The following NEGR1 variants were observed in gnomAD, a reference collection of about 807,000 sequenced individuals.
NEGR1 encodes the protein neuronal growth regulator 1, also known as IgLON family member 4.
In NEGR1, 10 loss-of-function variants were observed where a neutral mutation model predicts 40.9. That is an observed-to-expected ratio of 0.24 (90% CI 0.15 to 0.42). The LOEUF is 0.42. Among genes scored for constraint, NEGR1 ranks in the 10% least tolerant of loss-of-function variants. The pLI is 1.00. For synonymous variants in NEGR1, 185 were observed against 166.8 expected (o/e 1.11, Z -0.84); for missense variants, 352 against 438.9 (o/e 0.80, Z 1.77).
At chr1:72,135,619 A>T (rs558421688) in intron 1 of NEGR1, among the ~76,000 whole-genome samples, 2 of 152,180 alleles carry the variant, frequency 1.3e-5, no homozygotes, top group East Asian at 3.9e-4. Flanking sequence ...TATTGAGAAG[A>T]AAGAACTGTG....
rs906350103 is a variant in NEGR1 at position 71,481,945 on chromosome 1, T to G, written c.941-74375A>C. ...TCTGAGCTTTATTTTTCTCACTTTC[T>G]CTGTACTTTAGTTTTTGGAAACTAG... is the stretch of plus-strand genomic sequence containing the variant. On this transcript the variant is annotated intron_variant, in intron 6 of 6. Coordinates refer to ENST00000357731, the MANE Select transcript of NEGR1 (RefSeq NM_173808.3). Among the ~76,000 whole-genome samples, 3 of 151,952 alleles carry G rather than the reference T, an allele frequency of 2.0e-5. No individual in the cohort carries two copies. The East Asian group carries it at 5.8e-4, about 30-fold the overall frequency.
chr1:71,751,621 C>A (rs1356597125), intron 3 of NEGR1, among the ~76,000 whole-genome samples: 1 of 151,996 alleles, frequency 6.6e-6, no homozygotes, highest in African/African-American at 2.4e-5. Context: ...CCTTACTACC[C>A]AGGAGCTATT....
In NEGR1 at chr1:71,647,367, G is replaced by A. The variant is rs116316448; in HGVS notation, c.668-36221C>T. On this transcript the variant is annotated intron_variant, in intron 4 of 6. Transcript: ENST00000357731. ...TAGAAGTTTGATCTGCCAAAATTTC[G>A]CTCAATTCACAGGATTTGCATTGGT... 8.4e-3 allele frequency among the ~76,000 whole-genome samples: 1,279 copies of A among 151,848 alleles called. 12 individuals carry two copies. Among genetic ancestry groups the A allele is most frequent in the African/African-American group, 0.029 (1,211 of 41,442 alleles).
chr1:72,143,995 G>T (rs534137680), intron 1 of NEGR1, among the ~76,000 whole-genome samples: 1 of 146,578 alleles, frequency 6.8e-6, no homozygotes, highest in African/African-American at 2.5e-5. Flanking sequence ...ACCTGAGATG[G>T]TCTCAATGCC....
intron 2 of NEGR1, among the ~76,000 whole-genome samples, chr1:71,827,270 A>G (rs1249892816): frequency 2.0e-5 from 3 of 151,864 alleles, no homozygotes; most frequent in African/African-American, 4.8e-5. Context: ...GCTTTTTACT[A>G]CCAAGAGATA....
intron 2 of NEGR1, among the ~76,000 whole-genome samples, chr1:71,821,580 G>C (rs1014178581): frequency 6.6e-6 from 1 of 151,982 alleles, no homozygotes; most frequent in Non-Finnish European, 1.5e-5. Context: ...TTCAGGCTAA[G>C]GTGCAACAGC....
chr1:72,142,783 G>GATC (rs1557547909), intron 1 of NEGR1, among the ~76,000 whole-genome samples: 2 of 151,590 alleles, frequency 1.3e-5, no homozygotes, highest in African/African-American at 4.8e-5. Context: ...CAGGTCCAGT[G>GATC]ATCCTACATG....
chr1:71,698,262 TTA>T lies in NEGR1; in HGVS notation c.536-125_536-124del, dbSNP rs372699137. Reference sequence around the variant, plus strand: ...AACAATTCCAAATGAAACTGGGGAATTATTAAACCTTTTGTTCTTCTATGTTC... The same window carrying T: ...AACAATTCCAAATGAAACTGGGGAATTTAAACCTTTTGTTCTTCTATGTTC... On this transcript the variant is annotated intron_variant, in intron 3 of 6. Transcript: ENST00000357731. The T allele has an allele frequency of 3.2e-4, 261 of 822,888 alleles. No homozygotes were observed. In the African/African-American group the frequency reaches 4.3e-3, roughly 14 times the overall value. The allele number at this position is 822,888 out of a possible 1,614,324, so 51.0% of individuals were successfully genotyped here.
At chr1:71,768,739 T>G (rs1462353883) in intron 3 of NEGR1, among the ~76,000 whole-genome samples, 1 of 152,140 alleles carries the variant, frequency 6.6e-6, no homozygotes, top group Non-Finnish European at 1.5e-5. Flanking sequence ...TCTGTGTCTT[T>G]GCTCAAGTCT....
At chr1:71,655,575 G>A (rs1283077072) in intron 4 of NEGR1, among the ~76,000 whole-genome samples, 1 of 152,130 alleles carries the variant, frequency 6.6e-6, no homozygotes, top group Non-Finnish European at 1.5e-5. Context: ...GCAGAAATCA[G>A]TACCTAATCA....
At chr1:71,967,037 A>C (rs1423263025) in intron 1 of NEGR1, among the ~76,000 whole-genome samples, 2 of 152,170 alleles carry the variant, frequency 1.3e-5, no homozygotes, top group African/African-American at 4.8e-5. Context: ...AGGTCAAGGA[A>C]TAATTAGCTA....
chr1:71,742,137 T>A (rs933279441), intron 3 of NEGR1, among the ~76,000 whole-genome samples: 5 of 152,016 alleles, frequency 3.3e-5, no homozygotes, highest in African/African-American at 1.2e-4. Context: ...AGAGAGATGA[T>A]CTCTCTCTCC....
chr1:71,756,407 C>CAAAAAAAAAA (rs869043335), intron 3 of NEGR1, among the ~76,000 whole-genome samples: 8 of 45,730 alleles, frequency 1.7e-4, no homozygotes, highest in South Asian at 6.9e-4. Context: ...AAAACAAAAA[C>CAAAAAAAAAA]AAACAAAAAA....
chr1:71,775,982 G>A (rs1656491360), intron 3 of NEGR1, among the ~76,000 whole-genome samples, 190 bp downstream of exon 3: 1 of 147,898 alleles, frequency 6.8e-6, no homozygotes, highest in Non-Finnish European at 1.5e-5. Flanking sequence ...GACAGAGTAA[G>A]ACTCTGTCTC....
intron 1 of NEGR1, among the ~76,000 whole-genome samples, chr1:71,998,931 C>T (rs752292640): frequency 5.3e-5 from 8 of 151,764 alleles, no homozygotes; most frequent in Non-Finnish European, 7.4e-5. Context: ...AATTTAGGTA[C>T]ATAACATTCT....
At chr1:72,200,878 T>G (rs368526553) in intron 1 of NEGR1, among the ~76,000 whole-genome samples, 8 of 151,894 alleles carry the variant, frequency 5.3e-5, no homozygotes, top group African/African-American at 1.7e-4. Flanking sequence ...AGCACTTATA[T>G]GTATTTGCTA....
At chr1:71,890,199 T>C (rs1204633621) in intron 2 of NEGR1, among the ~76,000 whole-genome samples, 38 of 104,812 alleles carry the variant, frequency 3.6e-4, no homozygotes, top group Non-Finnish European at 7.3e-5. Context: ...AATGACAGGA[T>C]CAAATTCACA....
intron 6 of NEGR1, chr1:71,486,512 T>C (rs955717732): frequency 1.3e-5 from 2 of 151,590 alleles, no homozygotes; most frequent in Admixed American, 6.6e-5. Flanking sequence ...GGTTCACTTA[T>C]TGTAAGCACA....
chr1:71,720,366 T>C (rs774295290), intron 3 of NEGR1, among the ~76,000 whole-genome samples: 1 of 152,266 alleles, frequency 6.6e-6, no homozygotes, highest in Admixed American at 6.5e-5. Context: ...GCTAAGTTAG[T>C]AGTGTACCAA....
Sources: allele counts gnomAD v4.1 joint callset (sites outside exome capture counted in the v4.1 genomes callset), GRCh38; gene constraint gnomAD v4.1.1; transcripts MANE v1.5; gene names NCBI Gene and HGNC (gene_info 2026-07-23, HGNC 2026-07-21).